The following NTM variants were observed in gnomAD, a reference collection of about 807,000 sequenced individuals.
NTM encodes neurotrimin.
NTM carries 13 observed loss-of-function variants against 42.1 expected under a neutral mutation model. That is an observed-to-expected ratio of 0.31 (90% CI 0.20 to 0.49). NTM has a LOEUF of 0.49. Ranked by LOEUF, NTM falls within the 20% of genes least tolerant of loss-of-function variation. NTM has a pLI of 0.99. For missense variants in NTM, 373 were observed against 452.8 expected (o/e 0.82, Z 1.60); for synonymous variants, 187 against 179.2 (o/e 1.04, Z -0.35).
chr11:132,009,972 G>T (rs2071730731), intron 2 of NTM, among the ~76,000 whole-genome samples: 1 of 152,162 alleles, frequency 6.6e-6, no homozygotes. Context: ...GCCGTGGAAG[G>T]TCACTGAGCT....
chr11:131,922,892 C>T (rs551554685), intron 2 of NTM, among the ~76,000 whole-genome samples: 1 of 152,290 alleles, frequency 6.6e-6, no homozygotes, highest in South Asian at 2.1e-4. Flanking sequence ...CTGCCCACGT[C>T]GCTGCTGCCT....
At chr11:131,911,444 G>A (rs1180876402) in intron 1 of NTM, 120 bp from the exon 2 acceptor site, 1 of 1,613,508 alleles carries the variant, frequency 6.2e-7, no homozygotes, top group Non-Finnish European at 8.5e-7. Flanking sequence ...CGTGTGCCGT[G>A]CGGCTGCCGG....
At chr11:131,617,013 C>T (rs2062007465) in intron 1 of NTM, among the ~76,000 whole-genome samples, 2 of 152,144 alleles carry the variant, frequency 1.3e-5, no homozygotes, top group African/African-American at 4.8e-5. Flanking sequence ...CAGCAGATTC[C>T]AGCTCCAACT....
At chr11:131,813,538 A>G (rs1193621989) in intron 1 of NTM, among the ~76,000 whole-genome samples, 1 of 152,182 alleles carries the variant, frequency 6.6e-6, no homozygotes, top group Non-Finnish European at 1.5e-5. Flanking sequence ...GCTCAACAAA[A>G]GAGATATGTG....
intron 2 of NTM, among the ~76,000 whole-genome samples, chr11:132,119,528 G>A (rs1394783469): frequency 1.3e-5 from 2 of 152,212 alleles, no homozygotes; most frequent in Non-Finnish European, 2.9e-5. Flanking sequence ...GAAGTCTGAA[G>A]ATGAGCCTGG....
chr11:131,564,142 T>G (rs956710495), intron 1 of NTM, among the ~76,000 whole-genome samples: 1 of 152,250 alleles, frequency 6.6e-6, no homozygotes, highest in Non-Finnish European at 1.5e-5. Context: ...CAGGTTCTTT[T>G]GGAATTAGTC....
intron 1 of NTM, among the ~76,000 whole-genome samples, chr11:131,383,222 G>C (rs188455085): frequency 1.3e-5 from 2 of 152,286 alleles, no homozygotes; most frequent in East Asian, 3.9e-4. Context: ...AGCATGGCCA[G>C]GTGCTTACTT....
intron 8 of NTM, among the ~76,000 whole-genome samples, chr11:132,334,708 G>T (rs943947309): frequency 4.6e-5 from 7 of 152,042 alleles, no homozygotes; most frequent in Admixed American, 1.3e-4. Context: ...TTAAAGCTCT[G>T]TGTAGGATAT....
chr11:131,634,257 A>T (rs2064083201), intron 1 of NTM, among the ~76,000 whole-genome samples: 1 of 152,214 alleles, frequency 6.6e-6, no homozygotes, highest in Admixed American at 6.5e-5. Context: ...TCACGGAGGC[A>T]TCTATGATTG....
chr11:131,715,017 T>G (rs950833206), intron 1 of NTM, among the ~76,000 whole-genome samples: 4 of 152,232 alleles, frequency 2.6e-5, no homozygotes, highest in African/African-American at 9.6e-5. Context: ...AAGCAAAATC[T>G]GTTTGTGCCT....
intron 4 of NTM, among the ~76,000 whole-genome samples, chr11:132,291,684 G>A (rs2094455075): frequency 6.6e-6 from 1 of 152,164 alleles, no homozygotes; most frequent in Non-Finnish European, 1.5e-5. Flanking sequence ...AGATTTTGAA[G>A]GACTATCCAG....
chr11:132,014,004 T>A (rs2518017), intron 2 of NTM, among the ~76,000 whole-genome samples: 1 of 151,956 alleles, frequency 6.6e-6, no homozygotes, highest in Non-Finnish European at 1.5e-5. Context: ...CCTTATTTTT[T>A]ATTCCTATAT....
At chr11:131,821,300 G>T (rs917334390) in intron 1 of NTM, among the ~76,000 whole-genome samples, 2 of 152,148 alleles carry the variant, frequency 1.3e-5, no homozygotes, top group African/African-American at 2.4e-5. Flanking sequence ...TGAGCCATTG[G>T]CAGGTGAGAT....
At chr11:132,330,980 T>G (rs567426017) in intron 8 of NTM, among the ~76,000 whole-genome samples, 5 of 152,198 alleles carry the variant, frequency 3.3e-5, no homozygotes, top group Admixed American at 6.5e-5. Context: ...AAGGTCTTCA[T>G]CTCATCTCAT....
At chr11:131,734,645 A>G (rs1237095153) in intron 1 of NTM, among the ~76,000 whole-genome samples, 1 of 152,154 alleles carries the variant, frequency 6.6e-6, no homozygotes, top group Non-Finnish European at 1.5e-5. Context: ...CCTTTGGGGT[A>G]GCTACACTAT....
intron 1 of NTM, among the ~76,000 whole-genome samples, chr11:131,859,763 AG>A (rs1194123815): frequency 6.6e-6 from 1 of 152,208 alleles, no homozygotes; most frequent in Non-Finnish European, 1.5e-5. Context: ...GTTTAACGGA[AG>A]TGCTCTACAA....
intron 4 of NTM, among the ~76,000 whole-genome samples, chr11:132,299,559 G>A (rs1226432068): frequency 2.0e-5 from 3 of 152,168 alleles, no homozygotes; most frequent in African/African-American, 4.8e-5. Flanking sequence ...AGGCAATGTC[G>A]TGGGGTTGTT....
At chr11:131,765,071 C>T (rs1256419768) in intron 1 of NTM, among the ~76,000 whole-genome samples, 1 of 152,176 alleles carries the variant, frequency 6.6e-6, no homozygotes, top group Admixed American at 6.5e-5. Flanking sequence ...ACACTGTGTA[C>T]TCCCTGCAGG....
chr11:131,370,943 T>G (rs1218299985), intron 1 of NTM, 55 bp downstream of exon 1: 2 of 1,603,482 alleles, frequency 1.2e-6, no homozygotes, highest in Admixed American at 3.5e-5. Flanking sequence ...TACAGTGTGC[T>G]TTATAAGATT....
Sources: gnomAD v4.1 joint callset for allele counts (sites outside exome capture counted in the v4.1 genomes callset) on GRCh38, gnomAD v4.1.1 for gene constraint, MANE v1.5 for transcripts, NCBI Gene and HGNC (gene_info 2026-07-23, HGNC 2026-07-21) for gene names.